The following DMD variants were observed in gnomAD, a reference collection of about 807,000 sequenced individuals.
The protein encoded by DMD is dystrophin.
A neutral mutation model predicts 330.1 loss-of-function variants in DMD; 63 were observed. The observed-to-expected ratio is 0.19, with a 90% CI of 0.16 to 0.24. The LOEUF is 0.24. DMD is among the 10% of genes least tolerant of loss of function. DMD has a pLI of 1.00. For missense variants in DMD, 3,344 were observed against 2,684.1 expected, an observed-to-expected ratio of 1.25 and a Z score of -5.43; for synonymous variants, 1,223 against 959.8, an observed-to-expected ratio of 1.27 and a Z score of -5.07.
intron 25 of DMD, among the ~76,000 whole-genome samples, chrX:32,461,441 T>C (rs763628466): frequency 9.0e-6 from 1 of 111,447 alleles, no homozygotes; most frequent in Non-Finnish European, 1.9e-5. Flanking sequence ...ATTCTAAGAT[T>C]AGAAAATGGA....
chrX:32,615,102 G>A (rs1418433893), intron 11 of DMD, among the ~76,000 whole-genome samples: 2 of 111,188 alleles, frequency 1.8e-5, no homozygotes, highest in African/African-American at 6.5e-5. Flanking sequence ...CACAGCCCAA[G>A]GGGTGACCCC....
chrX:32,632,322 A>G (rs2058786348), intron 11 of DMD, among the ~76,000 whole-genome samples: 1 of 111,742 alleles, frequency 8.9e-6, no homozygotes, highest in Non-Finnish European at 1.9e-5. Flanking sequence ...CAGCTTCCAA[A>G]GCTGCTCTTA....
chrX:31,548,539 T>C (rs2074282841), intron 55 of DMD, among the ~76,000 whole-genome samples: 1 of 109,995 alleles, frequency 9.1e-6, no homozygotes, highest in Admixed American at 9.7e-5. Flanking sequence ...TTTTGGAAAT[T>C]ATGTAGCTTT....
At chrX:31,675,422 G>T (rs2082020694) in intron 53 of DMD, among the ~76,000 whole-genome samples, 1 of 112,035 alleles carries the variant, frequency 8.9e-6, no homozygotes. Flanking sequence ...GAGTGCAGTG[G>T]CGTGATCTTG....
At chrX:32,378,203 G>C (rs1038152326) in intron 34 of DMD, among the ~76,000 whole-genome samples, 1 of 109,943 alleles carries the variant, frequency 9.1e-6, no homozygotes, top group African/African-American at 3.3e-5. Flanking sequence ...TTGTCTTTTA[G>C]GAAGCTTGGC....
chrX:31,187,772 A>AT, intron 67 of DMD, among the ~76,000 whole-genome samples: 1 of 80,513 alleles, frequency 1.2e-5, no homozygotes, highest in Non-Finnish European at 2.6e-5. Context: ...AGAGAGAGAG[A>AT]GAGAGAGAGA....
At chrX:31,836,151 A>G (rs1287412307) in intron 49 of DMD, among the ~76,000 whole-genome samples, 3 of 112,255 alleles carry the variant, frequency 2.7e-5, no homozygotes, top group Non-Finnish European at 5.6e-5. Flanking sequence ...TGGAGAAGAA[A>G]AAAAAGTAGA....
rs1364331492 is a variant in DMD at position 31,685,229 on chromosome X, T to C, written c.7661-5643A>G. On this transcript the variant is annotated intron_variant, in intron 52 of 78. Coordinates refer to ENST00000357033, the MANE Select transcript of DMD (RefSeq NM_004006.3). ...GATTTTTGCCACCAATGTTTACCTC[T>C]TTCTATTCAATTTCTTTATATTATG... 3.8e-5 allele frequency among the ~76,000 whole-genome samples: 4 copies of C among 104,245 alleles called. No individual in the cohort carries two copies. The East Asian group carries it at 1.4e-3, about 37-fold the overall frequency. 90.5% of individuals were successfully genotyped at this position (104,245 alleles called of 115,157 possible).
intron 2 of DMD, among the ~76,000 whole-genome samples, chrX:32,903,272 G>C (rs1450472572): frequency 1.9e-5 from 2 of 106,907 alleles, no homozygotes; most frequent in Non-Finnish European, 3.8e-5. Context: ...TAAGGGTATG[G>C]TATAAAAATC....
chrX:33,083,223 C>G (rs1239004904), intron 1 of DMD, among the ~76,000 whole-genome samples: 1 of 112,141 alleles, frequency 8.9e-6, no homozygotes, highest in African/African-American at 3.2e-5. Flanking sequence ...AAGATAAAAT[C>G]ACCCTTTACC....
intron 2 of DMD, among the ~76,000 whole-genome samples, chrX:32,915,188 G>C (rs2087679987): frequency 8.9e-6 from 1 of 112,028 alleles, no homozygotes; most frequent in South Asian, 3.7e-4. Context: ...TGTGCTTTAT[G>C]TCATTGCCAA....
At chrX:31,931,197 T>C (rs1056620593) in intron 46 of DMD, among the ~76,000 whole-genome samples, 2 of 111,382 alleles carry the variant, frequency 1.8e-5, no homozygotes, top group African/African-American at 3.3e-5. Flanking sequence ...TTAAATAAAA[T>C]AGTGGCTGTA....
intron 49 of DMD, among the ~76,000 whole-genome samples, chrX:31,822,937 A>C (rs992560908): frequency 1.8e-5 from 2 of 110,824 alleles, no homozygotes; most frequent in Non-Finnish European, 3.8e-5. Flanking sequence ...TTATTTGGAA[A>C]GAGGACTAAC....
At chrX:32,641,892 T>C (rs986849093) in intron 11 of DMD, among the ~76,000 whole-genome samples, 3 of 110,960 alleles carry the variant, frequency 2.7e-5, no homozygotes, top group Non-Finnish European at 5.7e-5. Context: ...AGAAAAAAAA[T>C]AGGTAATGCT....
At chrX:32,866,003 T>C (rs189091349) in intron 2 of DMD, among the ~76,000 whole-genome samples, 24 of 112,536 alleles carry the variant, frequency 2.1e-4, no homozygotes, top group African/African-American at 7.1e-4. Flanking sequence ...CAGAGTGCAA[T>C]TGAAGTGCTG....
intron 2 of DMD, among the ~76,000 whole-genome samples, chrX:32,997,534 G>A (rs2093157125): frequency 8.9e-6 from 1 of 111,866 alleles, no homozygotes; most frequent in African/African-American, 3.2e-5. Flanking sequence ...GTGAGCCACC[G>A]CACCCGGCCC....
chrX:32,856,498 C>T (rs1174141256), intron 2 of DMD, among the ~76,000 whole-genome samples: 2 of 111,694 alleles, frequency 1.8e-5, no homozygotes, highest in South Asian at 7.4e-4. Context: ...AAATGAGACG[C>T]TGTCATTTGC....
At position 31,432,898 on chromosome X, in the gene DMD, T is replaced by G. The variant is rs139636097; in HGVS notation, c.9084+11583A>C. ...TTTTATGATTTGATATTTTATATTT[T>G]TAGATTTCAATTTTTATTTTAGACT... On this transcript the variant is annotated intron_variant, in intron 60 of 78. Transcript: ENST00000357033. Among the ~76,000 whole-genome samples the G allele has an allele frequency of 5.2e-3, 582 of 112,723 alleles. 5 individuals are homozygous for G. Among genetic ancestry groups the G allele is most frequent in the African/African-American group, 0.018 (557 of 31,087 alleles).
intron 7 of DMD, among the ~76,000 whole-genome samples, chrX:32,737,350 T>C (rs761705253): frequency 9.0e-6 from 1 of 111,580 alleles, no homozygotes; most frequent in African/African-American, 3.3e-5. Flanking sequence ...AAGCTTTTTC[T>C]ATGAAAATGA....
Sources: gnomAD v4.1 joint callset for allele counts (sites outside exome capture counted in the v4.1 genomes callset) on GRCh38, gnomAD v4.1.1 for gene constraint, MANE v1.5 for transcripts, NCBI Gene and HGNC (gene_info 2026-07-23, HGNC 2026-07-21) for gene names.